SRR: variants seen among roughly 807,000 people sequenced by gnomAD.
SRR encodes D-serine ammonia-lyase.
Under a neutral mutation model 32.7 loss-of-function variants are expected in SRR, and 19 were observed. That is an observed-to-expected ratio of 0.58 (90% CI 0.40 to 0.85). The LOEUF is 0.85. SRR is among the 40% of genes least tolerant of loss of function. The pLI, the probability that SRR is intolerant of heterozygous loss-of-function variation, is 0.00. For missense variants in SRR, 373 were observed against 404.7 expected (o/e 0.92, Z 0.67); for synonymous variants, 142 against 140.9 (o/e 1.01, Z -0.06).
intron 1 of SRR, among the ~76,000 whole-genome samples, chr17:2,314,187 C>T (rs145584557): frequency 0.015 from 2,338 of 152,276 alleles, 56 homozygotes; most frequent in African/African-American, 0.052. Flanking sequence ...CAGTGACTCA[C>T]GCCTATAATC....
intron 1 of SRR, among the ~76,000 whole-genome samples, chr17:2,311,415 C>T (rs2075433023): frequency 6.6e-6 from 1 of 152,054 alleles, no homozygotes; most frequent in South Asian, 2.1e-4. Flanking sequence ...GTGGGTGGAT[C>T]ACTTGAGCTC....
chr17:2,309,531 C>T (rs1048010707), intron 1 of SRR, among the ~76,000 whole-genome samples: 10 of 152,120 alleles, frequency 6.6e-5, no homozygotes, highest in Non-Finnish European at 1.0e-4. Context: ...TTAACAAGCC[C>T]TTTCTCATTT....
intron 2 of SRR, 29 bp downstream of exon 2, chr17:2,315,757 G>A (rs920036409): frequency 4.4e-6 from 7 of 1,602,726 alleles, no homozygotes; most frequent in African/African-American, 2.7e-5. Flanking sequence ...AGTGTATCAT[G>A]TATGTTTTCA....
intron 6 of SRR, chr17:2,322,460 G>T (rs1336954526): frequency 6.6e-6 from 1 of 152,162 alleles, no homozygotes; most frequent in African/African-American, 2.4e-5. Context: ...CCACAAAAGG[G>T]AAGGCTCTTA....
intron 1 of SRR, chr17:2,307,007 T>G (rs564423242): frequency 7.2e-7 from 1 of 1,385,674 alleles, no homozygotes; most frequent in South Asian, 1.2e-5. Context: ...GATGGAAGAG[T>G]TGTGGAACCA....
chr17:2,308,230 T>C (rs2075407658), intron 1 of SRR, among the ~76,000 whole-genome samples: 1 of 152,240 alleles, frequency 6.6e-6, no homozygotes. Context: ...ATGCTTTCTT[T>C]TTAAAGTGAA....
At position 2,309,251 on chromosome 17, in the gene SRR, C is replaced by T. The variant is rs563263346; in HGVS notation, c.-5+5234C>T. On this transcript the variant is annotated intron_variant, in intron 1 of 7. Transcript: ENST00000344595. ...GTGTTGGGATTACAGGTGTGAGCCA[C>T]CAGGCCTGGCCCAGGATTTATTCTT... 8.8e-4 allele frequency among the ~76,000 whole-genome samples: 134 copies of T among 152,268 alleles called. 1 individual carries two copies. The highest frequency in any genetic ancestry group is 5.7e-4 in the Non-Finnish European group (39 of 68,028).
chr17:2,308,048 T>A (rs532919563), intron 1 of SRR, among the ~76,000 whole-genome samples: 207 of 142,190 alleles, frequency 1.5e-3, no homozygotes, highest in South Asian at 7.9e-3. Context: ...AATGTCTTTT[T>A]AAAAAAAAAA....
At chr17:2,303,793 C>G, upstream of SRR, 5 of 1,278,384 alleles carry the variant, frequency 3.9e-6, no homozygotes, top group Non-Finnish European at 5.2e-6. Flanking sequence ...CACAGACGGG[C>G]GGCGCGCGCG....
intron 6 of SRR, chr17:2,322,668 T>C (rs1162324931): frequency 1.1e-5 from 1 of 91,724 alleles, no homozygotes; most frequent in East Asian, 5.3e-4. Flanking sequence ...GCCTGGCTAG[T>C]TTTTTTTTGT....
intron 1 of SRR, among the ~76,000 whole-genome samples, chr17:2,304,254 C>CT (rs138975336): frequency 0.035 from 4,469 of 128,710 alleles, 123 homozygotes; most frequent in Non-Finnish European, 0.056. Context: ...TTACTATTCC[C>CT]TTTTTTTTTT....
chr17:2,305,044 T>G (rs1158389562), intron 1 of SRR, among the ~76,000 whole-genome samples: 2 of 152,154 alleles, frequency 1.3e-5, no homozygotes, highest in African/African-American at 2.4e-5. Context: ...GCCGAAGGGA[T>G]TGCCACAACC....
chr17:2,320,867 CTCA>C (rs1418286019), intron 4 of SRR, among the ~76,000 whole-genome samples: 3 of 152,152 alleles, frequency 2.0e-5, no homozygotes, highest in Admixed American at 6.5e-5. Flanking sequence ...CAGCCTTGAC[CTCA>C]TCTTCTATTA....
intron 3 of SRR, 57 bp from the exon 4 acceptor site, chr17:2,318,769 C>A: frequency 3.7e-6 from 5 of 1,348,554 alleles, no homozygotes; most frequent in Admixed American, 1.7e-5. Flanking sequence ...CGTGCCTGGC[C>A]ACATAAGTTT....
intron 1 of SRR, among the ~76,000 whole-genome samples, chr17:2,311,634 T>C (rs1389381013): frequency 6.6e-6 from 1 of 152,122 alleles, no homozygotes; most frequent in African/African-American, 2.4e-5. Flanking sequence ...AGAGACCCCG[T>C]CTCAGTAAAT....
At chr17:2,314,407 C>A (rs1248786316) in intron 1 of SRR, among the ~76,000 whole-genome samples, 1 of 152,042 alleles carries the variant, frequency 6.6e-6, no homozygotes, top group Admixed American at 6.6e-5. Context: ...CACGGTGAAA[C>A]CCCGTCTTTA....
At chr17:2,306,264 C>T (rs915459981) in intron 1 of SRR, among the ~76,000 whole-genome samples, 7 of 151,374 alleles carry the variant, frequency 4.6e-5, no homozygotes, top group Admixed American at 2.6e-4. Flanking sequence ...TGCAGCGAGC[C>T]GAGATTGCTC....
chr17:2,313,510 C>T (rs1052972224), intron 1 of SRR, among the ~76,000 whole-genome samples: 8 of 148,592 alleles, frequency 5.4e-5, no homozygotes, highest in East Asian at 2.0e-4. Flanking sequence ...CCGAGGCGGG[C>T]GGATCACCTA....
Position 2,321,295 on chromosome 17 carries a change from T to C in SRR, c.400-11T>C, listed in dbSNP as rs142150600. 1.7e-5 allele frequency: 27 copies of C among 1,613,186 alleles called. No individual in the cohort carries two copies. Among genetic ancestry groups the C allele is most frequent in the African/African-American group, 6.7e-5 (5 of 75,000 alleles). ...ATACAAATCAATTAAGCTAAATTAA[T>C]GTACTTTCAGTCCAGAGAAAATGTT... On this transcript the variant is annotated splice_polypyrimidine_tract_variant and intron_variant, in intron 4 of 7. Coordinates refer to ENST00000344595, the MANE Select transcript of SRR (RefSeq NM_021947.3).
Sources: allele counts gnomAD v4.1 joint callset (sites outside exome capture counted in the v4.1 genomes callset), GRCh38; gene constraint gnomAD v4.1.1; transcripts MANE v1.5; gene names NCBI Gene and HGNC (gene_info 2026-07-23, HGNC 2026-07-21).